Variants in MAGI2 observed in about 807,000 individuals in gnomAD.
MAGI2 encodes membrane-associated guanylate kinase, WW and PDZ domain-containing protein 2.
MAGI2 carries 35 observed loss-of-function variants against 133.3 expected under a neutral mutation model. The ratio of observed to expected loss-of-function variants is 0.26; its 90% CI spans 0.20 to 0.35. The LOEUF (loss-of-function observed/expected upper bound fraction) is 0.35. Ranked by LOEUF, MAGI2 falls within the 10% of genes least tolerant of loss-of-function variation. The pLI, the probability that MAGI2 is intolerant of heterozygous loss-of-function variation, is 1.00. For missense variants in MAGI2, 1,636 were observed against 1,863.4 expected (o/e 0.88, Z 2.25); for synonymous variants, 729 against 710.6 (o/e 1.03, Z -0.41).
intron 5 of MAGI2, among the ~76,000 whole-genome samples, chr7:78,498,749 G>A (rs1794356356): frequency 6.6e-6 from 1 of 152,038 alleles, no homozygotes; most frequent in Non-Finnish European, 1.5e-5. Context: ...ACAAACTGGG[G>A]GTAAGGTGGA....
intron 2 of MAGI2, among the ~76,000 whole-genome samples, chr7:78,825,505 T>C (rs1375616530): frequency 6.6e-6 from 1 of 152,204 alleles, no homozygotes; most frequent in Non-Finnish European, 1.5e-5. Context: ...ACATTTCTCA[T>C]TTGTGACATC....
At chr7:78,675,851 G>A (rs2151083698) in intron 2 of MAGI2, among the ~76,000 whole-genome samples, 1 of 152,256 alleles carries the variant, frequency 6.6e-6, no homozygotes, top group South Asian at 2.1e-4. Context: ...TGATGCACCT[G>A]AGGACAGGAT....
At chr7:78,915,265 C>A (rs1325793857) in intron 2 of MAGI2, among the ~76,000 whole-genome samples, 2 of 152,100 alleles carry the variant, frequency 1.3e-5, no homozygotes, top group Non-Finnish European at 2.9e-5. Context: ...TGCCAGCCAC[C>A]AGCTGCAAAT....
chr7:79,130,128 C>T (rs1407106558), intron 1 of MAGI2, among the ~76,000 whole-genome samples: 17 of 149,692 alleles, frequency 1.1e-4, no homozygotes, highest in African/African-American at 4.1e-4. Context: ...AAGTGAGACC[C>T]CCCTCACTTT....
At chr7:78,607,394 C>A (rs373690530) in intron 3 of MAGI2, among the ~76,000 whole-genome samples, 10 of 151,374 alleles carry the variant, frequency 6.6e-5, no homozygotes, top group African/African-American at 2.4e-4. Context: ...CCAGTTTCCG[C>A]GGCTGGCAGG....
chr7:78,603,546 T>G (rs1275783846), intron 3 of MAGI2, among the ~76,000 whole-genome samples: 1 of 152,192 alleles, frequency 6.6e-6, no homozygotes, highest in Non-Finnish European at 1.5e-5. Flanking sequence ...TCTTTTGAGA[T>G]GGAGTCTTGC....
intron 3 of MAGI2, among the ~76,000 whole-genome samples, chr7:78,580,509 CATG>C (rs1297523297): frequency 6.6e-6 from 1 of 152,218 alleles, no homozygotes; most frequent in African/African-American, 2.4e-5. Context: ...GAAGAAGAAT[CATG>C]ATACCTCATC....
intron 1 of MAGI2, among the ~76,000 whole-genome samples, chr7:79,200,277 A>C (rs540548826): frequency 6.6e-6 from 1 of 152,018 alleles, no homozygotes; most frequent in South Asian, 2.1e-4. Flanking sequence ...TCTTACATGC[A>C]ACAAAAAGTT....
At chr7:79,011,511 A>T (rs1054174623) in intron 1 of MAGI2, among the ~76,000 whole-genome samples, 2 of 152,146 alleles carry the variant, frequency 1.3e-5, no homozygotes, top group Non-Finnish European at 2.9e-5. Context: ...AGACATGACC[A>T]TCAGCTCAAC....
chr7:79,446,184 G>T (rs1226777023), intron 1 of MAGI2, among the ~76,000 whole-genome samples: 4 of 152,154 alleles, frequency 2.6e-5, no homozygotes, highest in African/African-American at 9.7e-5. Context: ...GAGGAGGGGG[G>T]AGGGATAGCA....
At chr7:78,670,169 A>G (rs573744984) in intron 2 of MAGI2, among the ~76,000 whole-genome samples, 1 of 152,070 alleles carries the variant, frequency 6.6e-6, no homozygotes, top group Non-Finnish European at 1.5e-5. Context: ...ATATCTAGAA[A>G]ACCCCATTGT....
intron 2 of MAGI2, among the ~76,000 whole-genome samples, chr7:78,653,121 A>G (rs1424400903): frequency 6.6e-6 from 1 of 152,192 alleles, no homozygotes; most frequent in Non-Finnish European, 1.5e-5. Flanking sequence ...CGATCATTAA[A>G]AAGTCAAGAA....
chr7:78,115,357 T>C (rs529091213), intron 20 of MAGI2, among the ~76,000 whole-genome samples: 30 of 152,164 alleles, frequency 2.0e-4, no homozygotes, highest in African/African-American at 7.0e-4. Flanking sequence ...ACAAAAATGA[T>C]AGAATTAAAT....
At chr7:78,914,569 G>A (rs1798644920) in intron 2 of MAGI2, among the ~76,000 whole-genome samples, 1 of 152,020 alleles carries the variant, frequency 6.6e-6, no homozygotes, top group Admixed American at 6.6e-5. Flanking sequence ...TTTCACAGAA[G>A]GAACACACGA....
chr7:78,919,883 T>C (rs1316613265), intron 2 of MAGI2, among the ~76,000 whole-genome samples: 1 of 152,130 alleles, frequency 6.6e-6, no homozygotes, highest in Non-Finnish European at 1.5e-5. Context: ...CATTCTTTCA[T>C]GGGTAGTGCA....
intron 1 of MAGI2, among the ~76,000 whole-genome samples, chr7:79,232,013 A>AT (rs1339887269): frequency 6.6e-6 from 1 of 152,024 alleles, no homozygotes; most frequent in African/African-American, 2.4e-5. Context: ...AGGTTGTTGA[A>AT]TTTTGTCAAA....
intron 2 of MAGI2, among the ~76,000 whole-genome samples, chr7:78,787,754 G>A (rs1316172147): frequency 6.6e-6 from 1 of 152,158 alleles, no homozygotes; most frequent in Non-Finnish European, 1.5e-5. Flanking sequence ...TAAATCATCA[G>A]AAAGTGCCTA....
At chr7:79,168,919 T>G (rs977816118) in intron 1 of MAGI2, among the ~76,000 whole-genome samples, 6 of 133,226 alleles carry the variant, frequency 4.5e-5, no homozygotes, top group African/African-American at 1.9e-4. Flanking sequence ...TATATATATA[T>G]ATATATATAT....
chr7:78,743,240 A>G (rs964632021), intron 2 of MAGI2, among the ~76,000 whole-genome samples: 1 of 152,238 alleles, frequency 6.6e-6, no homozygotes, highest in Non-Finnish European at 1.5e-5. Flanking sequence ...GACAAAATCA[A>G]TAAGCTGCAA....
Sources: allele counts gnomAD v4.1 joint callset (sites outside exome capture counted in the v4.1 genomes callset), GRCh38; gene constraint gnomAD v4.1.1; transcripts MANE v1.5; gene names NCBI Gene and HGNC (gene_info 2026-07-23, HGNC 2026-07-21).